The following MTCL1 variants were observed in gnomAD, a reference collection of about 807,000 sequenced individuals.
MTCL1 encodes microtubule cross-linking factor 1.
MTCL1 carries 79 observed loss-of-function variants against 141.4 expected under a neutral mutation model. That is an observed-to-expected ratio of 0.56 (90% CI 0.47 to 0.67). The LOEUF (loss-of-function observed/expected upper bound fraction) is 0.67. MTCL1 is among the 30% of genes least tolerant of loss of function. The pLI is 0.00. For synonymous variants in MTCL1, 914 were observed against 875.8 expected (o/e 1.04, Z -0.77); for missense variants, 2,177 against 2,113.9 (o/e 1.03, Z -0.59).
rs1012364009 is a variant in MTCL1 at position 8,810,589 on chromosome 18, T to C, written c.2605-2390T>C. ...GTTGGTTGCTGGAAGCATCTACAGG[T>C]GAACAGACGTACGTGCGAGGGGCTC... On this transcript the variant is annotated intron_variant, in intron 11 of 16. Transcript: ENST00000359865. This position sits in a 1 kb window ranked among gnomAD's most constrained non-coding sequence, Gnocchi z 5.0. Among the ~76,000 whole-genome samples, 1 of 152,144 alleles carries C rather than the reference T, an allele frequency of 6.6e-6. No individual in the cohort carries two copies. Among genetic ancestry groups the C allele is most frequent in the African/African-American group, 2.4e-5 (1 of 41,430 alleles).
intron 11 of MTCL1, among the ~76,000 whole-genome samples, chr18:8,808,900 G>T (rs1249264980): frequency 6.6e-6 from 1 of 152,230 alleles, no homozygotes; most frequent in Non-Finnish European, 1.5e-5. Flanking sequence ...GGCTGTCAGG[G>T]AACAGGAACG....
intron 4 of MTCL1, among the ~76,000 whole-genome samples, chr18:8,752,473 A>G (rs1019173647): frequency 2.6e-5 from 4 of 152,132 alleles, no homozygotes; most frequent in South Asian, 4.1e-4. Flanking sequence ...GATTTGAAGG[A>G]AAGTTTTAAG....
intron 1 of MTCL1, 32 bp downstream of exon 1, chr18:8,706,745 GGC>G: frequency 6.5e-7 from 1 of 1,541,794 alleles, no homozygotes; most frequent in Non-Finnish European, 8.7e-7. Context: ...GGTGTCCCGG[GGC>G]GCCCCCGGAG....
intron 6 of MTCL1, among the ~76,000 whole-genome samples, chr18:8,785,307 A>G (rs1032679555): frequency 1.3e-5 from 2 of 152,216 alleles, no homozygotes; most frequent in Non-Finnish European, 2.9e-5. Context: ...GTGTGTTTCA[A>G]GGGACACAGT....
chr18:8,725,781 T>C (rs2096204762), intron 4 of MTCL1, among the ~76,000 whole-genome samples: 1 of 39,000 alleles, frequency 2.6e-5, no homozygotes, highest in African/African-American at 1.5e-4. Flanking sequence ...ATTTTCTTTT[T>C]TTTTTTTTCT....
At chr18:8,807,241 C>T (rs1292671868) in intron 11 of MTCL1, among the ~76,000 whole-genome samples, 181 bp downstream of exon 10, 1 of 152,126 alleles carries the variant, frequency 6.6e-6, no homozygotes, top group Non-Finnish European at 1.5e-5. Flanking sequence ...CTGATGTCCC[C>T]TCTCCCAAGT....
exon 15 of MTCL1, chr18:8,825,633 G>A (rs780010644): frequency 1.1e-5 from 18 of 1,613,858 alleles, no homozygotes; most frequent in East Asian, 2.2e-5. Flanking sequence ...CCCTGCCATC[G>A]AGAAGGTGCA....
chr18:8,736,854 A>G (rs142477762), intron 4 of MTCL1, among the ~76,000 whole-genome samples: 1,739 of 151,940 alleles, frequency 0.011, 41 homozygotes, highest in African/African-American at 0.038. Flanking sequence ...GTTAGCCAGG[A>G]TGGTCTCGAT....
chr18:8,711,764 G>A (rs888315079), intron 1 of MTCL1, among the ~76,000 whole-genome samples: 1 of 151,128 alleles, frequency 6.6e-6, no homozygotes, highest in Admixed American at 6.6e-5. Context: ...AAATTTGTTT[G>A]AGTTCATTGT....
In MTCL1 at chr18:8,756,451, ATGTGTATATATGTGTATATG is replaced by A. The variant is rs1338448043; in HGVS notation, c.358-21372_358-21353del. Among the ~76,000 whole-genome samples, 423 of 143,638 alleles carry A rather than the reference ATGTGTATATATGTGTATATG, an allele frequency of 2.9e-3. 2 individuals are homozygous for A. Among genetic ancestry groups the A allele is most frequent in the African/African-American group, 0.011 (385 of 34,556 alleles). 94.2% of individuals were successfully genotyped at this position (143,638 alleles called of 152,430 possible). A position where few individuals can be genotyped will look rare whatever the true frequency, so the allele number is the denominator to read the frequency against. ...TGTATATATGTATATATGTGTATAT[ATGTGTATATATGTGTATATG>A]TGTGTATATGTGTGTATATATGTAT... On this transcript the variant is annotated intron_variant, in intron 4 of 16. Coordinates refer to ENST00000359865, the Ensembl canonical transcript of MTCL1.
At chr18:8,803,159 TAAAAA>T (rs34017267) in intron 10 of MTCL1, among the ~76,000 whole-genome samples, 3 of 145,350 alleles carry the variant, frequency 2.1e-5, no homozygotes, top group Non-Finnish European at 4.5e-5. Context: ...AGGTAAAGTT[TAAAAA>T]AAAAAAAAAG....
At chr18:8,832,652 A>C (rs932207457) in exon 17 of MTCL1, 21 of 152,232 alleles carry the variant, frequency 1.4e-4, no homozygotes, top group African/African-American at 4.8e-4. Flanking sequence ...TACAGAGTTT[A>C]CTCAAAGTTT....
At chr18:8,716,439 G>A (rs183546363), upstream of MTCL1, among the ~76,000 whole-genome samples, 98 of 152,254 alleles carry the variant, frequency 6.4e-4, no homozygotes, top group African/African-American at 2.2e-3. Flanking sequence ...AAGGTTGACC[G>A]AAGCATCATC....
intron 5 of MTCL1, among the ~76,000 whole-genome samples, chr18:8,780,420 G>T (rs2096528844): frequency 6.6e-6 from 1 of 152,248 alleles, no homozygotes; most frequent in Non-Finnish European, 1.5e-5. Flanking sequence ...ACCTTGTCCA[G>T]CCCAGTCTCG....
At chr18:8,727,564 A>G (rs2096224088) in intron 4 of MTCL1, among the ~76,000 whole-genome samples, 1 of 152,060 alleles carries the variant, frequency 6.6e-6, no homozygotes, top group Non-Finnish European at 1.5e-5. Context: ...GCATTTCTTC[A>G]TGTTTCTTGA....
chr18:8,731,352 T>A (rs921402443), intron 4 of MTCL1, among the ~76,000 whole-genome samples: 1 of 152,036 alleles, frequency 6.6e-6, no homozygotes, highest in Non-Finnish European at 1.5e-5. Flanking sequence ...GGCGGGCAGA[T>A]CACCTGAGGT....
At chr18:8,725,790 CTTT>C (rs796484848) in intron 4 of MTCL1, among the ~76,000 whole-genome samples, 1 of 61,064 alleles carries the variant, frequency 1.6e-5, no homozygotes, top group African/African-American at 8.1e-5. Flanking sequence ...TTTTTTTTTT[CTTT>C]TTTTTTTTTT....
intron 15 of MTCL1, among the ~76,000 whole-genome samples, chr18:8,827,904 A>T (rs2077076794): frequency 6.6e-6 from 1 of 152,220 alleles, no homozygotes; most frequent in African/African-American, 2.4e-5. Context: ...TGTCCTCCGT[A>T]AAGTATTCAT....
At chr18:8,793,386 G>A (rs923489724) in intron 8 of MTCL1, among the ~76,000 whole-genome samples, 1 of 152,108 alleles carries the variant, frequency 6.6e-6, no homozygotes, top group African/African-American at 2.4e-5. Flanking sequence ...AAACTTTCCT[G>A]CAGCAATACC....
Sources: gnomAD v4.1 joint callset for allele counts (sites outside exome capture counted in the v4.1 genomes callset) on GRCh38, gnomAD v4.1.1 for gene constraint, Gnocchi (gnomAD v3.1) non-coding constraint, MANE v1.5 for transcripts, NCBI Gene and HGNC (gene_info 2026-07-23, HGNC 2026-07-21) for gene names.